ZFHX3: variants seen among roughly 807,000 people sequenced by gnomAD.
The protein encoded by ZFHX3 is zinc finger homeobox protein 3.
In ZFHX3, 42 loss-of-function variants were observed where a neutral mutation model predicts 279.1. The observed-to-expected ratio is 0.15, with a 90% CI of 0.12 to 0.19. The LOEUF is 0.19. ZFHX3 is among the 10% of genes least tolerant of loss of function. ZFHX3 has a pLI of 1.00. For missense variants in ZFHX3, 4,981 were observed against 4,754.0 expected (o/e 1.05, Z -1.40); for synonymous variants, 2,293 against 1,957.8 (o/e 1.17, Z -4.52).
chr16:73,611,826 G>A (rs1419475369), intron 2 of ZFHX3, among the ~76,000 whole-genome samples: 1 of 152,056 alleles, frequency 6.6e-6, no homozygotes, highest in African/African-American at 2.4e-5. Context: ...TTTTAAAAGG[G>A]CAAAATATGA....
At chr16:73,492,398 T>C (rs1242284840) in intron 2 of ZFHX3, among the ~76,000 whole-genome samples, 2 of 152,168 alleles carry the variant, frequency 1.3e-5, no homozygotes, top group African/African-American at 4.8e-5. Context: ...CCACGTAAAA[T>C]AATAATAATG....
intron 3 of ZFHX3, among the ~76,000 whole-genome samples, chr16:72,913,813 T>C (rs2039377075): frequency 6.6e-6 from 1 of 152,116 alleles, no homozygotes; most frequent in South Asian, 2.1e-4. Flanking sequence ...AAAGTCAGAG[T>C]TTGTTGTCTT....
chr16:73,789,183 A>G (rs1959751404), intron 1 of ZFHX3, among the ~76,000 whole-genome samples: 1 of 151,396 alleles, frequency 6.6e-6, no homozygotes, highest in Non-Finnish European at 1.5e-5. Flanking sequence ...GGATTTTTTT[A>G]TTATTTATTT....
intron 1 of ZFHX3, among the ~76,000 whole-genome samples, chr16:73,778,842 C>A (rs770821001): frequency 3.9e-5 from 6 of 152,152 alleles, no homozygotes; most frequent in African/African-American, 7.2e-5. Context: ...GTGCCTGAGC[C>A]GAAGAAAAGT....
Position 72,795,888 on chromosome 16 carries a change from G to A in ZFHX3, c.6794C>T (p.Ala2265Val), listed in dbSNP as rs780141304. 1.2e-6 allele frequency: 2 copies of A among 1,614,052 alleles called. No homozygotes were observed. The highest frequency in any genetic ancestry group is 2.7e-5 in the African/African-American group (2 of 74,904). ...RVLQDFFDAN[A>V]YPKDDEFEQL... The stretch of plus-strand genomic sequence containing the variant: ...CTCAAATTCATCATCCTTTGGGTAA[G>A]CATTGGCATCGAAGAAGTCCTGTAA... The change falls in exon 9 of 10, where the codon GCT becomes GTT. Residue 2265 changes from alanine (A) to valine (V), a missense_variant. Ala to Val is a moderately conservative substitution (Grantham distance 64). Transcript: ENST00000268489.
At chr16:73,799,307 A>T (rs1434668050) in intron 1 of ZFHX3, among the ~76,000 whole-genome samples, 3 of 152,252 alleles carry the variant, frequency 2.0e-5, no homozygotes, top group Non-Finnish European at 4.4e-5. Flanking sequence ...AAGATGCTAT[A>T]TGAGTGTAAA....
chr16:73,883,349 A>G (rs1032158308), intron 1 of ZFHX3, among the ~76,000 whole-genome samples: 1 of 152,134 alleles, frequency 6.6e-6, no homozygotes. Flanking sequence ...CTGTTACTCC[A>G]GGAATGAGTT....
intron 7 of ZFHX3, among the ~76,000 whole-genome samples, chr16:72,806,316 G>A (rs1241535808): frequency 1.3e-5 from 2 of 152,214 alleles, no homozygotes; most frequent in Non-Finnish European, 2.9e-5. Context: ...GAGAAAGATT[G>A]AAAAGGTAGA....
chr16:73,246,103 T>G (rs2013272818), intron 5 of ZFHX3, among the ~76,000 whole-genome samples: 1 of 152,106 alleles, frequency 6.6e-6, no homozygotes, highest in Admixed American at 6.6e-5. Context: ...GTTTCTTGGT[T>G]ATGCTTCCAA....
At chr16:73,189,771 C>T (rs1269801639) in intron 5 of ZFHX3, among the ~76,000 whole-genome samples, 3 of 152,022 alleles carry the variant, frequency 2.0e-5, no homozygotes, top group African/African-American at 4.8e-5. Flanking sequence ...CTCCGTGTAC[C>T]GGGAACTCCT....
intron 2 of ZFHX3, among the ~76,000 whole-genome samples, chr16:73,654,053 G>A (rs1448647611): frequency 8.6e-5 from 13 of 151,912 alleles, no homozygotes; most frequent in Middle Eastern, 3.4e-3. Flanking sequence ...GCGTGGTGGC[G>A]GGCGCCTGTA....
At chr16:73,611,597 G>A (rs1349749033) in intron 2 of ZFHX3, among the ~76,000 whole-genome samples, 1 of 152,154 alleles carries the variant, frequency 6.6e-6, no homozygotes, top group Non-Finnish European at 1.5e-5. Flanking sequence ...ATACTCTTCT[G>A]TGATTGAAAA....
chr16:72,879,223 A>T (rs1441192642), intron 4 of ZFHX3, among the ~76,000 whole-genome samples: 1 of 152,234 alleles, frequency 6.6e-6, no homozygotes, highest in African/African-American at 2.4e-5. Context: ...AAAGTCCTTC[A>T]GGTACTTCGA....
intron 5 of ZFHX3, among the ~76,000 whole-genome samples, chr16:73,255,116 A>G (rs539872503): frequency 7.5e-4 from 114 of 152,354 alleles, no homozygotes; most frequent in African/African-American, 2.6e-3. Flanking sequence ...TATCCAGATC[A>G]GTCCTGAGAT....
At chr16:73,679,432 G>T (rs1241961793) in intron 2 of ZFHX3, 3 of 152,154 alleles carry the variant, frequency 2.0e-5, no homozygotes, top group Non-Finnish European at 4.4e-5. Context: ...TTCCTATGGG[G>T]ACAGCAAAGA....
chr16:73,281,723 T>C (rs1225432963), intron 4 of ZFHX3, among the ~76,000 whole-genome samples: 2 of 142,664 alleles, frequency 1.4e-5, no homozygotes, highest in Non-Finnish European at 2.9e-5. Flanking sequence ...TTCATGGATG[T>C]TTATTTATCC....
chr16:72,949,932 T>A (rs1408436410), intron 3 of ZFHX3, among the ~76,000 whole-genome samples: 1 of 113,200 alleles, frequency 8.8e-6, no homozygotes, highest in African/African-American at 3.2e-5. Flanking sequence ...TTTTTTTTGG[T>A]CAGATTCATG....
intron 2 of ZFHX3, among the ~76,000 whole-genome samples, chr16:73,602,728 CG>C (rs1178345372): frequency 1.3e-5 from 2 of 151,740 alleles, no homozygotes; most frequent in African/African-American, 4.8e-5. Flanking sequence ...GGGCAGATCA[CG>C]AGGTCAGGAG....
intron 1 of ZFHX3, among the ~76,000 whole-genome samples, chr16:73,024,943 T>C (rs1192982917): frequency 2.6e-5 from 4 of 152,188 alleles, no homozygotes; most frequent in Admixed American, 1.3e-4. Flanking sequence ...CCCAACACAA[T>C]ACCCCTCGGC....
Sources: allele counts gnomAD v4.1 joint callset (sites outside exome capture counted in the v4.1 genomes callset), GRCh38; gene constraint gnomAD v4.1.1; transcripts MANE v1.5; gene names NCBI Gene and HGNC (gene_info 2026-07-23, HGNC 2026-07-21).